Variants in HS2ST1 observed in about 807,000 individuals in gnomAD.
HS2ST1 encodes the protein 2-O-sulfotransferase.
A neutral mutation model predicts 42.9 loss-of-function variants in HS2ST1; 18 were observed. That is an observed-to-expected ratio of 0.42 (90% confidence interval 0.29 to 0.62). The LOEUF (loss-of-function observed/expected upper bound fraction) is 0.62. Among genes scored for constraint, HS2ST1 ranks in the 20% least tolerant of loss-of-function variants. The pLI is 0.21. For synonymous variants in HS2ST1, 146 were observed against 152.9 expected (o/e 0.95, Z 0.33); for missense variants, 334 against 433.8 (o/e 0.77, Z 2.04).
chr1:86,988,101 TCA>T (rs1648843282), intron 1 of HS2ST1, among the ~76,000 whole-genome samples: 1 of 152,234 alleles, frequency 6.6e-6, no homozygotes, highest in African/African-American at 2.4e-5. Context: ...GTTTTCTTTT[TCA>T]GTTACATCAA....
At chr1:87,079,170 C>T (rs993752480) in intron 2 of HS2ST1, among the ~76,000 whole-genome samples, 1 of 151,806 alleles carries the variant, frequency 6.6e-6, no homozygotes, top group Non-Finnish European at 1.5e-5. Flanking sequence ...CTCGGTCGCC[C>T]AGGCTGGACC....
At chr1:86,957,199 G>A (rs1039113373) in intron 1 of HS2ST1, among the ~76,000 whole-genome samples, 4 of 152,118 alleles carry the variant, frequency 2.6e-5, no homozygotes, top group Non-Finnish European at 5.9e-5. Flanking sequence ...ATTTTAAAGA[G>A]CAAGGATAAA....
intron 3 of HS2ST1, among the ~76,000 whole-genome samples, chr1:87,089,684 A>G (rs1651894800): frequency 6.6e-6 from 1 of 152,020 alleles, no homozygotes; most frequent in African/African-American, 2.4e-5. Context: ...TCGTGTCTAT[A>G]TAACTGTTCC....
chr1:86,984,543 C>T (rs1209694655), intron 1 of HS2ST1, among the ~76,000 whole-genome samples: 2 of 152,064 alleles, frequency 1.3e-5, no homozygotes, highest in East Asian at 1.9e-4. Context: ...TGAGCTTAAT[C>T]GTGTTTTCTT....
rs1050344376 is a variant in HS2ST1 at position 86,967,019 on chromosome 1, G to C, written c.124+51859G>C. On this transcript the variant is annotated intron_variant, in intron 1 of 6. Transcript: ENST00000370550. ...CGATTCTCCTGCATCAGCCTCCTGA[G>C]TAGCTGGGATTACAGGCATATGCCA... Among the ~76,000 whole-genome samples, 3 of 152,024 alleles carry C rather than the reference G, an allele frequency of 2.0e-5. No individual in the cohort carries two copies. In the South Asian group the frequency reaches 6.2e-4, roughly 32 times the overall value.
At chr1:86,970,147 A>G (rs1178740069) in intron 1 of HS2ST1, among the ~76,000 whole-genome samples, 2 of 151,782 alleles carry the variant, frequency 1.3e-5, no homozygotes, top group Non-Finnish European at 2.9e-5. Context: ...AAAAATGAGT[A>G]TTTAGTTAAA....
intron 1 of HS2ST1, among the ~76,000 whole-genome samples, chr1:86,940,630 A>G (rs971208267): frequency 3.9e-5 from 6 of 152,330 alleles, no homozygotes; most frequent in Admixed American, 3.9e-4. Context: ...TTCTTATTTC[A>G]GCATATTTGG....
At chr1:86,927,533 T>A (rs1660448248) in intron 1 of HS2ST1, among the ~76,000 whole-genome samples, 1 of 152,218 alleles carries the variant, frequency 6.6e-6, no homozygotes, top group Non-Finnish European at 1.5e-5. Context: ...GAATAATCCA[T>A]TAGTATCACC....
At chr1:87,042,976 A>G (rs944140435) in intron 1 of HS2ST1, among the ~76,000 whole-genome samples, 3 of 152,138 alleles carry the variant, frequency 2.0e-5, no homozygotes, top group African/African-American at 7.2e-5. Context: ...CATGGTAGCC[A>G]TTTAAAGTGA....
At chr1:86,999,663 A>T (rs1005118800) in intron 1 of HS2ST1, among the ~76,000 whole-genome samples, 2 of 148,408 alleles carry the variant, frequency 1.3e-5, no homozygotes, top group Non-Finnish European at 3.0e-5. Flanking sequence ...TCCAAAAAGA[A>T]TATATCGTCA....
At chr1:87,089,104 A>G (rs1651880184) in intron 3 of HS2ST1, among the ~76,000 whole-genome samples, 1 of 151,992 alleles carries the variant, frequency 6.6e-6, no homozygotes, top group South Asian at 2.1e-4. Context: ...CCAGTTGACA[A>G]GGTTCCTTAC....
intron 1 of HS2ST1, among the ~76,000 whole-genome samples, chr1:87,025,947 G>C (rs1488856787): frequency 6.6e-6 from 1 of 152,156 alleles, no homozygotes; most frequent in African/African-American, 2.4e-5. Flanking sequence ...TTAAAGCAGG[G>C]TGGACTTGTA....
chr1:86,915,173 A>C lies in HS2ST1; in HGVS notation c.124+13A>C, dbSNP rs377700319. ...CGCTCGAAGCTAGGTGAGGAACTGA[A>C]CTGCCCCGGGCTGAGTGCTGTGGAA... On this transcript the variant is annotated intron_variant, in intron 1 of 6. Coordinates refer to ENST00000370550, the MANE Select transcript of HS2ST1 (RefSeq NM_012262.4). 3.0e-5 allele frequency: 48 copies of C among 1,610,670 alleles called. 1 individual carries two copies. The highest frequency in any genetic ancestry group is 3.6e-5 in the Non-Finnish European group (42 of 1,178,170).
intron 1 of HS2ST1, among the ~76,000 whole-genome samples, chr1:86,918,788 A>G (rs1056447625): frequency 9.2e-5 from 14 of 151,988 alleles, no homozygotes; most frequent in African/African-American, 3.4e-4. Flanking sequence ...AAGCTGTGAA[A>G]TGATATATTC....
intron 2 of HS2ST1, among the ~76,000 whole-genome samples, chr1:87,082,400 T>TA (rs1651716990): frequency 6.6e-6 from 1 of 152,244 alleles, no homozygotes; most frequent in South Asian, 2.1e-4. Context: ...CCCTGCTGTT[T>TA]AGTTTATATA....
At position 87,017,800 on chromosome 1, in the gene HS2ST1, T is replaced by C. The variant is rs375659404; in HGVS notation, c.125-55134T>C. On this transcript the variant is annotated intron_variant, in intron 1 of 6. Transcript: ENST00000370550. ...TTAGCCTATGTTTGCTTTTTTATTT[T>C]TGATTTTTGATATATGTGTCCTTTC... 2.6e-5 allele frequency among the ~76,000 whole-genome samples: 4 copies of C among 152,324 alleles called. No homozygotes were observed. In the East Asian group the frequency reaches 7.7e-4, roughly 29 times the overall value.
chr1:87,015,848 A>G (rs1649739441), intron 1 of HS2ST1, among the ~76,000 whole-genome samples: 1 of 151,532 alleles, frequency 6.6e-6, no homozygotes, highest in African/African-American at 2.4e-5. Context: ...GATGGAGTCT[A>G]TCTCTGTCAC....
chr1:87,012,229 A>G (rs1649616963), intron 1 of HS2ST1, among the ~76,000 whole-genome samples: 7 of 152,120 alleles, frequency 4.6e-5, no homozygotes. Context: ...CTGTTCTCAC[A>G]CTGCTAATAA....
At chr1:87,084,359 A>T in intron 3 of HS2ST1, 80 bp downstream of exon 3, 4 of 796,082 alleles carry the variant, frequency 5.0e-6, no homozygotes, top group Non-Finnish European at 8.1e-6. Flanking sequence ...TTAAATTGTT[A>T]TGATTTTCTA....
Sources: gnomAD v4.1 joint callset for allele counts (sites outside exome capture counted in the v4.1 genomes callset) on GRCh38, gnomAD v4.1.1 for gene constraint, MANE v1.5 for transcripts, NCBI Gene and HGNC (gene_info 2026-07-23, HGNC 2026-07-21) for gene names.